The following TEX9 variants were observed in gnomAD, a reference collection of about 807,000 sequenced individuals.
TEX9 encodes testis-expressed protein 9.
TEX9 carries 74 observed loss-of-function variants against 59.6 expected under a neutral mutation model. The observed-to-expected ratio is 1.24, with a 90% CI of 1.03 to 1.51. The LOEUF (loss-of-function observed/expected upper bound fraction) is 1.51, where lower values mean the gene tolerates loss of function less well. TEX9 is among the 40% of genes most tolerant of loss of function. TEX9 has a pLI of 0.00. For missense variants in TEX9, 522 were observed against 447.8 expected, an observed-to-expected ratio of 1.17 and a Z score of -1.49; for synonymous variants, 186 against 152.2, an observed-to-expected ratio of 1.22 and a Z score of -1.64.
chr15:56,360,293 T>C (rs1300906422), intron 1 of TEX9, among the ~76,000 whole-genome samples: 1 of 152,192 alleles, frequency 6.6e-6, no homozygotes, highest in African/African-American at 2.4e-5. Context: ...AAAAAGATTA[T>C]GTAGAATTGT....
chr15:56,256,038 G>T (rs1438989199), intron 1 of TEX9, among the ~76,000 whole-genome samples: 1 of 151,434 alleles, frequency 6.6e-6, no homozygotes, highest in African/African-American at 2.4e-5. Context: ...TAAGCAAATT[G>T]TTTATAAACT....
At chr15:56,373,552 T>G in intron 3 of TEX9, 48 bp downstream of exon 3, 1 of 1,448,434 alleles carries the variant, frequency 6.9e-7, no homozygotes, top group Non-Finnish European at 9.2e-7. Context: ...TGCTAGTTTT[T>G]TATCTTTTTC....
chr15:56,408,257 A>G (rs906407253), intron 9 of TEX9, among the ~76,000 whole-genome samples: 3 of 152,222 alleles, frequency 2.0e-5, no homozygotes, highest in African/African-American at 4.8e-5. Context: ...AAGGTCACCA[A>G]TAATCCACAC....
intron 1 of TEX9, among the ~76,000 whole-genome samples, chr15:56,244,575 T>TCCCCA (rs1275058856): frequency 8.2e-6 from 1 of 122,368 alleles, no homozygotes; most frequent in Non-Finnish European, 1.7e-5. Context: ...CCCCTCCACC[T>TCCCCA]CCCCACCCCA....
At chr15:56,457,138 C>T in the TEX9 span, among the ~76,000 whole-genome samples, 1 of 152,174 alleles carries the variant, frequency 6.6e-6, no homozygotes, top group Admixed American at 6.5e-5. Context: ...CCTCTACACA[C>T]ATTTTTCCCC....
At chr15:56,250,387 A>G (rs1390602435) in intron 1 of TEX9, among the ~76,000 whole-genome samples, 1 of 152,138 alleles carries the variant, frequency 6.6e-6, no homozygotes, top group Non-Finnish European at 1.5e-5. Flanking sequence ...TAAAGGTGGG[A>G]GAAAGAATGG....
chr15:56,283,647 C>A (rs2044872642), intron 1 of TEX9, among the ~76,000 whole-genome samples: 1 of 151,472 alleles, frequency 6.6e-6, no homozygotes, highest in Non-Finnish European at 1.5e-5. Context: ...CAAATCAAAA[C>A]ATAGGAAAAA....
At chr15:56,440,885 T>G (rs1337187900) in intron 12 of TEX9, among the ~76,000 whole-genome samples, 2 of 152,142 alleles carry the variant, frequency 1.3e-5, no homozygotes, top group African/African-American at 4.8e-5. Context: ...CATTAGACAT[T>G]TGGGTTATTT....
intron 1 of TEX9, among the ~76,000 whole-genome samples, chr15:56,257,578 A>G (rs1006205468): frequency 6.6e-6 from 1 of 152,022 alleles, no homozygotes; most frequent in Admixed American, 6.6e-5. Context: ...TGTTGGCTGC[A>G]TGTATGTCTT....
intron 9 of TEX9, among the ~76,000 whole-genome samples, chr15:56,401,773 C>A (rs2048797914): frequency 6.6e-6 from 1 of 152,180 alleles, no homozygotes; most frequent in Admixed American, 6.5e-5. Flanking sequence ...GAAATCACAA[C>A]AAACTGTCTC....
At chr15:56,318,909 G>A (rs1484320840) in intron 1 of TEX9, among the ~76,000 whole-genome samples, 1 of 152,000 alleles carries the variant, frequency 6.6e-6, no homozygotes, top group Admixed American at 6.6e-5. Flanking sequence ...CAGTTGTTAA[G>A]AGACTACTCA....
At chr15:56,261,181 C>G (rs1380193858) in intron 1 of TEX9, among the ~76,000 whole-genome samples, 1 of 151,662 alleles carries the variant, frequency 6.6e-6, no homozygotes, top group African/African-American at 2.4e-5. Context: ...AAAGCTTTGG[C>G]TTTGTTGATT....
intron 1 of TEX9, among the ~76,000 whole-genome samples, chr15:56,357,671 TA>T: frequency 6.6e-6 from 1 of 152,320 alleles, no homozygotes; most frequent in South Asian, 2.1e-4. Flanking sequence ...TATCTGTTTA[TA>T]ATCTGCCATT....
chr15:56,263,715 C>G (rs1212596742), intron 1 of TEX9, among the ~76,000 whole-genome samples: 4 of 152,156 alleles, frequency 2.6e-5, no homozygotes, highest in Admixed American at 6.5e-5. Context: ...CAGCCCTTCC[C>G]CATATCCTCA....
chr15:56,379,586 T>A (rs1399490474), intron 3 of TEX9, among the ~76,000 whole-genome samples: 1 of 152,212 alleles, frequency 6.6e-6, no homozygotes, highest in African/African-American at 2.4e-5. Flanking sequence ...AGATTAAGTC[T>A]GATGTTTGTT....
intron 7 of TEX9, chr15:56,393,523 T>A (rs2048314085): frequency 6.6e-6 from 1 of 152,222 alleles, no homozygotes; most frequent in African/African-American, 2.4e-5. Context: ...TATGCCATTT[T>A]GAACAAATCA....
intron 1 of TEX9, among the ~76,000 whole-genome samples, chr15:56,283,182 G>A (rs1477721227): frequency 2.6e-5 from 4 of 151,758 alleles, no homozygotes; most frequent in Admixed American, 2.0e-4. Flanking sequence ...AGGGGAAGCT[G>A]TTTTCTTTTT....
chr15:56,358,229 A>C (rs1011384729), intron 1 of TEX9, among the ~76,000 whole-genome samples: 20 of 152,278 alleles, frequency 1.3e-4, no homozygotes, highest in South Asian at 8.3e-4. Context: ...TTAAATGCCT[A>C]CTATCAGAAG....
At chr15:56,324,039 G>A (rs942511993) in intron 1 of TEX9, among the ~76,000 whole-genome samples, 33 of 152,044 alleles carry the variant, frequency 2.2e-4, no homozygotes, top group African/African-American at 8.0e-4. Context: ...TATGGGGGTC[G>A]TAAACTGGCA....
Sources: allele counts gnomAD v4.1 joint callset (sites outside exome capture counted in the v4.1 genomes callset), GRCh38; gene constraint gnomAD v4.1.1; transcripts MANE v1.5; gene names NCBI Gene and HGNC (gene_info 2026-07-23, HGNC 2026-07-21).